Variants in BOD1L1 observed in about 807,000 individuals in gnomAD.
BOD1L1 encodes the protein biorientation of chromosomes in cell division 1 like 1, also known as biorientation of chromosomes in cell division protein 1-like 1.
A neutral mutation model predicts 240.7 loss-of-function variants in BOD1L1; 86 were observed. The observed-to-expected ratio is 0.36, with a 90% CI of 0.30 to 0.43. The LOEUF (loss-of-function observed/expected upper bound fraction) is 0.43, where lower values mean the gene tolerates loss of function less well. Ranked by LOEUF, BOD1L1 falls within the 20% of genes least tolerant of loss-of-function variation. BOD1L1 has a pLI of 1.00. For synonymous variants in BOD1L1, 1,268 were observed against 1,272.3 expected (o/e 1.00, Z 0.07); for missense variants, 3,554 against 3,643.5 (o/e 0.98, Z 0.63).
At position 13,603,030 on chromosome 4, in the gene BOD1L1, C is replaced by T; in HGVS notation, c.3870G>A (p.Val1290=). ...SSPSLSSVTV[V]PLRESYDPDV... ...CTGGATCATACGATTCCCTCAGAGG[C>T]ACAACAGTCACTGAACTTAAGGATG... Residue 1290 remains valine, a synonymous_variant, in exon 10 of 26, where the codon GTG becomes GTA. Coordinates refer to ENST00000040738, the MANE Select transcript of BOD1L1 (RefSeq NM_148894.3). 2 of 1,613,970 alleles carry T rather than the reference C, an allele frequency of 1.2e-6. No homozygotes were observed. Among genetic ancestry groups the T allele is most frequent in the Non-Finnish European group, 1.7e-6 (2 of 1,179,878 alleles).
chr4:13,611,155 C>G (rs1716139437), intron 5 of BOD1L1, 55 bp from the exon 6 acceptor site: 1 of 1,321,750 alleles, frequency 7.6e-7, no homozygotes, highest in Non-Finnish European at 1.1e-6. Flanking sequence ...ATAAAATCAA[C>G]ATTATGCTGT....
At chr4:13,615,183 T>C in intron 3 of BOD1L1, 129 bp downstream of exon 3, 2 of 934,816 alleles carry the variant, frequency 2.1e-6, no homozygotes, top group Non-Finnish European at 1.6e-6. Flanking sequence ...GGAATTTAGG[T>C]GATATTTAAA....
At chr4:13,597,277 T>C (rs1161206279) in intron 10 of BOD1L1, 109 bp from the exon 11 acceptor site, 1 of 763,458 alleles carries the variant, frequency 1.3e-6, no homozygotes, top group African/African-American at 1.7e-5. Flanking sequence ...GCACCTTCCT[T>C]TTCTGGTTTA....
In BOD1L1 at chr4:13,572,959, A is replaced by G. The variant is rs903437414; in HGVS notation, c.9039-2831T>C. ...AGTCAGAACAATAGGAACTAAAATC[A>G]GAAAAATGGTTGGTTTTCCTGACCA... On this transcript the variant is annotated intron_variant, in intron 25 of 25. Transcript: ENST00000040738. The G allele has an allele frequency of 3.0e-5, 27 of 905,458 alleles. No individual in the cohort carries two copies. In the South Asian group the frequency reaches 3.8e-4, roughly 13 times the overall value. The allele number at this position is 905,458 out of a possible 1,614,324, so 56.1% of individuals were successfully genotyped here.
chr4:13,608,471 T>A, intron 8 of BOD1L1, 59 bp downstream of exon 8: 1 of 1,376,342 alleles, frequency 7.3e-7, no homozygotes, highest in South Asian at 1.8e-5. Context: ...TCAATTCCTC[T>A]CTTCTGAAAG....
At chr4:13,596,879 G>A (rs1714660342) in intron 11 of BOD1L1, among the ~76,000 whole-genome samples, 1 of 152,164 alleles carries the variant, frequency 6.6e-6, no homozygotes, top group South Asian at 2.1e-4. Flanking sequence ...AACTGAGGGT[G>A]ACTCTTGTGT....
rs1253651925 is a variant in BOD1L1 at position 13,603,864 on chromosome 4, A to T, written c.3036T>A (p.Leu1012=). Residue 1012 remains leucine, a synonymous_variant, in exon 10 of 26, where the codon CTT becomes CTA. Coordinates refer to ENST00000040738, the MANE Select transcript of BOD1L1 (RefSeq NM_148894.3). ...KSDKDSTSTR[L]ERKLSDGHKS... ...TGTGGCCATCTGACAACTTTCTCTC[A>T]AGCCTGGTGGAAGTGGAGTCTTTAT... The T allele has an allele frequency of 1.2e-6, 2 of 1,613,460 alleles. No homozygotes were observed. The highest frequency in any genetic ancestry group is 3.3e-4 in the Middle Eastern group (2 of 6,062).
chr4:13,597,677 CCTT>C (rs1714733794), intron 10 of BOD1L1, among the ~76,000 whole-genome samples: 1 of 152,130 alleles, frequency 6.6e-6, no homozygotes, highest in East Asian at 1.9e-4. Flanking sequence ...CCTCTTATAT[CCTT>C]CTTTAGATTG....
At chr4:13,614,997 A>G (rs1716476324) in intron 3 of BOD1L1, among the ~76,000 whole-genome samples, 187 bp from the exon 4 acceptor site, 1 of 152,260 alleles carries the variant, frequency 6.6e-6, no homozygotes, top group Non-Finnish European at 1.5e-5. Context: ...CCTCTCTAAT[A>G]TATTATCTTA....
Position 13,603,690 on chromosome 4 carries a change from C to T in BOD1L1, c.3210G>A (p.Leu1070=), listed in dbSNP as rs923957359. 1.5e-5 allele frequency: 25 copies of T among 1,613,966 alleles called. No individual in the cohort carries two copies. Among genetic ancestry groups the T allele is most frequent in the Admixed American group, 3.3e-5 (2 of 60,022 alleles). ...ACAAGCTTCCTCTCCGATTTTCGCA[C>T]AACCTTCTACTTAATTTCTTTTCCA... ...SLMEKKLSRR[L]CENRRGSLSQ... is the part of the protein sequence containing the mutation. Residue 1070 remains leucine (L), a synonymous_variant, in exon 10 of 26, where the codon TTG becomes TTA. Transcript: ENST00000040738.
In BOD1L1 at chr4:13,601,801, C is replaced by A; in HGVS notation, c.5099G>T (p.Gly1700Val). ...ATCCACCTCTTCACTGCTTATAGAT[C>A]CTGCTCTTATCTCTGTTCCAGCACT... ...VTSAGTEIRA[G>V]SISSEEVDGS... is the part of the protein sequence containing the mutation. The change falls in exon 10 of 26, where the codon GGA becomes GTA. Residue 1700 changes from glycine (G) to valine (V), a missense_variant. By Grantham distance (109) the Gly-to-Val change is moderately radical. Coordinates refer to ENST00000040738, the MANE Select transcript of BOD1L1 (RefSeq NM_148894.3). The A allele has an allele frequency of 6.2e-7, 1 of 1,613,958 alleles. No homozygotes were observed. Among genetic ancestry groups the A allele is most frequent in the Non-Finnish European group, 8.5e-7 (1 of 1,179,898 alleles).
At chr4:13,597,494 T>C (rs13119973) in intron 10 of BOD1L1, among the ~76,000 whole-genome samples, 4,668 of 152,344 alleles carry the variant, frequency 0.031, 114 homozygotes, top group Non-Finnish European at 0.05. Flanking sequence ...AAGTTTGTCC[T>C]TAAAAATATT....
intron 12 of BOD1L1, among the ~76,000 whole-genome samples, chr4:13,594,866 A>G (rs1207440905): frequency 6.6e-6 from 1 of 152,138 alleles, no homozygotes; most frequent in Non-Finnish European, 1.5e-5. Context: ...CTGTACTCCA[A>G]CCTGGCAAAC....
intron 25 of BOD1L1, among the ~76,000 whole-genome samples, chr4:13,574,272 C>T (rs895189146): frequency 6.6e-6 from 1 of 152,130 alleles, no homozygotes; most frequent in Non-Finnish European, 1.5e-5. Flanking sequence ...GACTCAGGCA[C>T]TGACTGGCTA....
At chr4:13,573,420 C>CTG (rs1712378694) in intron 25 of BOD1L1, among the ~76,000 whole-genome samples, 1 of 100,230 alleles carries the variant, frequency 1.0e-5, no homozygotes, top group African/African-American at 3.2e-5. Context: ...TTCTATCTAT[C>CTG]TGTCTGTCTG....
intron 22 of BOD1L1, among the ~76,000 whole-genome samples, chr4:13,578,994 C>T (rs982546362): frequency 6.6e-6 from 1 of 152,196 alleles, no homozygotes; most frequent in Admixed American, 6.5e-5. Flanking sequence ...TAGTTCAATG[C>T]ACTAGTTGAA....
At position 13,579,914 on chromosome 4, in the gene BOD1L1, C is replaced by T. The variant is rs373797700; in HGVS notation, c.8749+14G>A. On this transcript the variant is annotated intron_variant, in intron 22 of 25. Coordinates refer to ENST00000040738, the MANE Select transcript of BOD1L1 (RefSeq NM_148894.3). ...CCCTCAGATAACACACAGAGGAATG[C>T]GGTAGGTACATACCTGTTTGCATTA... 58 of 1,552,384 alleles carry T rather than the reference C, an allele frequency of 3.7e-5. No individual in the cohort carries two copies. The highest frequency in any genetic ancestry group is 3.2e-4 in the South Asian group (27 of 83,878).
intron 17 of BOD1L1, among the ~76,000 whole-genome samples, chr4:13,584,719 C>G (rs1024541531): frequency 6.6e-6 from 1 of 152,054 alleles, no homozygotes; most frequent in African/African-American, 2.4e-5. Context: ...TTTTTATTTC[C>G]TGCTTTTATT....
At chr4:13,618,184 C>A (rs372734577) in intron 2 of BOD1L1, among the ~76,000 whole-genome samples, 12 of 152,206 alleles carry the variant, frequency 7.9e-5, no homozygotes, top group African/African-American at 2.6e-4. Context: ...AGATTTTATA[C>A]GCTATAAAAG....
Sources: allele counts gnomAD v4.1 joint callset (sites outside exome capture counted in the v4.1 genomes callset), GRCh38; gene constraint gnomAD v4.1.1; transcripts MANE v1.5; gene names NCBI Gene and HGNC (gene_info 2026-07-23, HGNC 2026-07-21).